The following PRKN variants were observed in gnomAD, a reference collection of about 807,000 sequenced individuals.
PRKN encodes E3 ubiquitin-protein ligase parkin.
In PRKN, 56 loss-of-function variants were observed where a neutral mutation model predicts 59.5. The ratio of observed to expected loss-of-function variants is 0.94; its 90% CI spans 0.76 to 1.18. PRKN has a LOEUF of 1.18. Ranked by LOEUF, PRKN falls within the 50% of genes most tolerant of loss-of-function variation. The probability of loss-of-function intolerance (pLI) is 0.00; values close to 1 mark genes in which losing one functional copy is unlikely to be tolerated. For synonymous variants in PRKN, 250 were observed against 222.1 expected (o/e 1.13, Z -1.12); for missense variants, 657 against 596.4 (o/e 1.10, Z -1.06).
At chr6:161,374,754 T>G (rs867046284) in intron 10 of PRKN, among the ~76,000 whole-genome samples, 1 of 58,910 alleles carries the variant, frequency 1.7e-5, no homozygotes, top group Non-Finnish European at 4.6e-5. Flanking sequence ...TGTGTGTGTG[T>G]GGTGTGTAGC....
intron 5 of PRKN, among the ~76,000 whole-genome samples, chr6:161,981,946 T>A (rs1489714641): frequency 6.6e-6 from 1 of 152,168 alleles, no homozygotes; most frequent in Non-Finnish European, 1.5e-5. Flanking sequence ...AGAAAATCAA[T>A]ATACTCCACA....
chr6:161,973,802 C>T (rs973258083), intron 5 of PRKN, among the ~76,000 whole-genome samples: 15 of 152,184 alleles, frequency 9.9e-5, no homozygotes, highest in Admixed American at 6.5e-4. Flanking sequence ...GAGGTGCCCA[C>T]GGGTCAAACA....
chr6:162,671,763 TAAATA>T (rs1287918382), intron 1 of PRKN, among the ~76,000 whole-genome samples: 14 of 151,706 alleles, frequency 9.2e-5, no homozygotes, highest in South Asian at 2.1e-4. Context: ...ATAAAACTAT[TAAATA>T]AAATAAAATA....
rs1341156581 is a variant in PRKN, at chr6:161,459,505, G to T, written c.1084-72628C>A. ...GACCTGGTTCTGAGCAAAGTAGTGGGAAGGATGGAATTCCCTGAATCCCTG... is the reference window on the plus strand; with the variant it reads ...GACCTGGTTCTGAGCAAAGTAGTGGTAAGGATGGAATTCCCTGAATCCCTG... On this transcript the variant is annotated intron_variant, in intron 9 of 11. Transcript: ENST00000366898. The surrounding 1 kb of genome is among the most constrained non-coding windows in gnomAD (Gnocchi z 4.8). Among the ~76,000 whole-genome samples the T allele has an allele frequency of 1.3e-5, 2 of 152,156 alleles. No homozygotes were observed. The highest frequency in any genetic ancestry group is 2.9e-5 in the Non-Finnish European group (2 of 68,028).
At chr6:162,362,833 A>C (rs6925291) in intron 2 of PRKN, among the ~76,000 whole-genome samples, 39,834 of 151,934 alleles carry the variant, frequency 0.26, 5,788 homozygotes, top group African/African-American at 0.37. Flanking sequence ...TATTCTATAA[A>C]AATTGTTTCC....
intron 5 of PRKN, among the ~76,000 whole-genome samples, chr6:161,996,147 G>A (rs1369149225): frequency 6.7e-6 from 1 of 148,960 alleles, no homozygotes; most frequent in Non-Finnish European, 1.5e-5. Context: ...AAATCCAACA[G>A]ATAAATGGAT....
At chr6:161,934,944 G>C (rs7759885) in intron 6 of PRKN, among the ~76,000 whole-genome samples, 1 of 152,028 alleles carries the variant, frequency 6.6e-6, no homozygotes, top group Admixed American at 6.6e-5. Flanking sequence ...CTTATAAATA[G>C]ATGCTAGAAA....
At chr6:161,606,260 G>A (rs903928761) in intron 7 of PRKN, among the ~76,000 whole-genome samples, 26 of 152,142 alleles carry the variant, frequency 1.7e-4, no homozygotes, top group Non-Finnish European at 2.9e-4. Flanking sequence ...TGATGTGAGC[G>A]TACACTAAAC....
chr6:161,831,045 G>A (rs1424370578), intron 6 of PRKN, among the ~76,000 whole-genome samples: 5 of 152,090 alleles, frequency 3.3e-5, no homozygotes, highest in African/African-American at 1.2e-4. Flanking sequence ...TTTATCAACA[G>A]GAAACATCAG....
intron 6 of PRKN, among the ~76,000 whole-genome samples, chr6:161,925,542 C>T (rs546662626): frequency 2.6e-5 from 4 of 151,832 alleles, no homozygotes; most frequent in Admixed American, 6.6e-5. Context: ...CTGCACTCCA[C>T]GCTGGGCGAT....
intron 4 of PRKN, among the ~76,000 whole-genome samples, chr6:162,157,193 C>T (rs1782550121): frequency 6.6e-6 from 1 of 151,662 alleles, no homozygotes; most frequent in Non-Finnish European, 1.5e-5. Flanking sequence ...TTCTCTTCTC[C>T]TCTGCCTCTT....
intron 7 of PRKN, among the ~76,000 whole-genome samples, chr6:161,730,236 A>T (rs906201504): frequency 7.2e-6 from 1 of 138,732 alleles, no homozygotes; most frequent in Non-Finnish European, 1.5e-5. Flanking sequence ...ATTCTTTCTG[A>T]TATGTTGCAG....
intron 6 of PRKN, among the ~76,000 whole-genome samples, chr6:161,942,118 C>T (rs1779588153): frequency 6.6e-6 from 1 of 152,156 alleles, no homozygotes; most frequent in African/African-American, 2.4e-5. Flanking sequence ...TACTAAAGCA[C>T]ACTGGCAGTC....
chr6:161,352,496 G>GGT lies in PRKN; in HGVS notation c.1286-2287_1286-2286dup, dbSNP rs1314327140. 6.6e-6 allele frequency among the ~76,000 whole-genome samples: 1 copy of GGT among 151,450 alleles called. No homozygotes were observed. Among genetic ancestry groups the GGT allele is most frequent in the Non-Finnish European group, 1.5e-5 (1 of 67,904 alleles). ...TTATGATGTAAATAATATGTTATAT[G>GGT]GTGTGACATTATAAAACCACTTGTT... On this transcript the variant is annotated intron_variant, in intron 11 of 11. Transcript: ENST00000366898. The surrounding 1 kb of genome is among the most constrained non-coding windows in gnomAD (Gnocchi z 5.8).
At chr6:161,794,180 C>T (rs1258384578) in intron 6 of PRKN, among the ~76,000 whole-genome samples, 1 of 152,114 alleles carries the variant, frequency 6.6e-6, no homozygotes, top group Non-Finnish European at 1.5e-5. Context: ...ATTTTATTTA[C>T]TGTCATGAAA....
intron 1 of PRKN, among the ~76,000 whole-genome samples, chr6:162,443,712 A>C (rs539749074): frequency 1.2e-4 from 18 of 152,312 alleles, no homozygotes; most frequent in South Asian, 2.1e-4. Context: ...CCAAAATTGC[A>C]TTCTCCCTTT....
At chr6:161,494,177 A>AAAAT (rs1272834711) in intron 9 of PRKN, among the ~76,000 whole-genome samples, 2 of 151,630 alleles carry the variant, frequency 1.3e-5, no homozygotes, top group Non-Finnish European at 1.5e-5. Context: ...TAAAAAATAA[A>AAAAT]AAATAAATAA....
At chr6:162,588,013 G>GT (rs71004102) in intron 1 of PRKN, among the ~76,000 whole-genome samples, 4,704 of 136,576 alleles carry the variant, frequency 0.034, 148 homozygotes, top group East Asian at 0.11. Flanking sequence ...GAGTTTTTGA[G>GT]TTTTTTTTTT....
rs182033966 is a variant in PRKN at position 162,104,459 on chromosome 6, A to G, written c.535-50285T>C. 3.7e-4 allele frequency among the ~76,000 whole-genome samples: 56 copies of G among 152,318 alleles called. 1 individual carries two copies. Among genetic ancestry groups the G allele is most frequent in the Middle Eastern group, 6.8e-3 (2 of 294 alleles). On this transcript the variant is annotated intron_variant, in intron 4 of 11. Coordinates refer to ENST00000366898, the MANE Select transcript of PRKN (RefSeq NM_004562.3). ...TTGGAGGTAAGTAAATAACATGAAAAAGAAATGCCAAGATGCACAAAGACA... is the reference window on the plus strand; with the variant it reads ...TTGGAGGTAAGTAAATAACATGAAAGAGAAATGCCAAGATGCACAAAGACA...
Sources: gnomAD v4.1 joint callset for allele counts (sites outside exome capture counted in the v4.1 genomes callset) on GRCh38, gnomAD v4.1.1 for gene constraint, Gnocchi (gnomAD v3.1) non-coding constraint, MANE v1.5 for transcripts, NCBI Gene and HGNC (gene_info 2026-07-23, HGNC 2026-07-21) for gene names.